The following PLCE1 variants were observed in gnomAD, a reference collection of about 807,000 sequenced individuals.
PLCE1 encodes 1-phosphatidylinositol 4,5-bisphosphate phosphodiesterase epsilon-1.
PLCE1 carries 119 observed loss-of-function variants against 242.8 expected under a neutral mutation model. That is an observed-to-expected ratio of 0.49 (90% CI 0.42 to 0.57). PLCE1 has a LOEUF of 0.57. Ranked by LOEUF, PLCE1 falls within the 20% of genes least tolerant of loss-of-function variation. The probability of loss-of-function intolerance (pLI) is 0.00; values close to 1 mark genes in which losing one functional copy is unlikely to be tolerated. For synonymous variants in PLCE1, 945 were observed against 1,017.4 expected (o/e 0.93, Z 1.35); for missense variants, 2,441 against 2,788.8 (o/e 0.88, Z 2.81).
chr10:94,140,135 T>G (rs1011464693), intron 3 of PLCE1, among the ~76,000 whole-genome samples: 1 of 152,180 alleles, frequency 6.6e-6, no homozygotes, highest in Non-Finnish European at 1.5e-5. Flanking sequence ...GTGGTATGTG[T>G]GTCTGTAGAC....
chr10:94,280,429 G>C (rs1274033658), intron 20 of PLCE1: 2 of 159,040 alleles, frequency 1.3e-5, no homozygotes, highest in Non-Finnish European at 2.8e-5. Flanking sequence ...CCCCACCAAA[G>C]AGAAAAAACA....
intron 4 of PLCE1, among the ~76,000 whole-genome samples, chr10:94,185,447 G>A (rs1283427177): frequency 1.3e-5 from 2 of 152,154 alleles, no homozygotes; most frequent in Non-Finnish European, 2.9e-5. Flanking sequence ...AGTGAGCTGA[G>A]TTTGTGCCAC....
chr10:94,078,332 G>A (rs1399310267), intron 2 of PLCE1, among the ~76,000 whole-genome samples: 1 of 152,140 alleles, frequency 6.6e-6, no homozygotes, highest in African/African-American at 2.4e-5. Flanking sequence ...GGTGACTTCA[G>A]TGATTTTGTT....
chr10:94,271,072 T>G (rs1350049089), intron 18 of PLCE1, among the ~76,000 whole-genome samples: 3 of 152,090 alleles, frequency 2.0e-5, no homozygotes, highest in Admixed American at 6.6e-5. Flanking sequence ...ATTGGGCTGT[T>G]CTTAGAGCCT....
At chr10:94,140,455 A>T (rs1186492200) in intron 3 of PLCE1, among the ~76,000 whole-genome samples, 2 of 152,040 alleles carry the variant, frequency 1.3e-5, no homozygotes, top group Non-Finnish European at 2.9e-5. Flanking sequence ...AGGCATGAGA[A>T]CTGCTTGAAC....
chr10:94,204,421 C>G (rs1240083777), intron 4 of PLCE1, among the ~76,000 whole-genome samples: 1 of 152,142 alleles, frequency 6.6e-6, no homozygotes, highest in Non-Finnish European at 1.5e-5. Context: ...GTAATCCTAG[C>G]ACTTTGGGAG....
chr10:94,116,553 G>A lies in PLCE1; in HGVS notation c.1207-15621G>A, dbSNP rs181285577. ...CTACTAAAAATACAAAAACTAGCTGGGCGTGGTGGCAGGTGCCTGTAGTCC... is the reference window on the plus strand; with the variant it reads ...CTACTAAAAATACAAAAACTAGCTGAGCGTGGTGGCAGGTGCCTGTAGTCC... On this transcript the variant is annotated intron_variant, in intron 2 of 32. Coordinates refer to ENST00000371380, the MANE Select transcript of PLCE1 (RefSeq NM_016341.4). Among the ~76,000 whole-genome samples, 260 of 152,254 alleles carry A rather than the reference G, an allele frequency of 1.7e-3. 1 individual carries two copies. The highest frequency in any genetic ancestry group is 5.9e-3 in the African/African-American group (246 of 41,556).
rs762794649 is a variant in PLCE1 at position 94,031,614 on chromosome 10, C to T, written c.568C>T (p.His190Tyr). The change falls in exon 2 of 33, where the codon CAT (histidine) becomes TAT (tyrosine). Residue 190 changes from histidine (H) to tyrosine (Y), a missense_variant. Physicochemically the swap from His to Tyr is moderately conservative, Grantham distance 83 (BLOSUM62 2). Transcript: ENST00000371380. ...PDSRRAVFHF[H>Y]YEVDRRMSDT... ...CAGCAGAAGGGCAGTATTTCATTTT[C>T]ATTATGAAGTTGACAGAAGAATGTC... The T allele has an allele frequency of 1.2e-6, 2 of 1,613,360 alleles. No homozygotes were observed. The highest frequency in any genetic ancestry group is 1.7e-6 in the Non-Finnish European group (2 of 1,179,748).
intron 1 of PLCE1, among the ~76,000 whole-genome samples, chr10:94,009,166 G>A (rs2061114111): frequency 6.6e-6 from 1 of 152,146 alleles, no homozygotes. Flanking sequence ...TCTGGGGAGG[G>A]CCTCAGGAAG....
intron 4 of PLCE1, among the ~76,000 whole-genome samples, chr10:94,225,892 C>A (rs2049921392): frequency 6.6e-6 from 1 of 152,236 alleles, no homozygotes; most frequent in African/African-American, 2.4e-5. Context: ...CTGCAGTTGT[C>A]ATGGGTCACC....
rs1029841283 is a variant in PLCE1 at position 94,066,874 on chromosome 10, A to G, written c.1206+34622A>G. 6.6e-5 allele frequency among the ~76,000 whole-genome samples: 10 copies of G among 152,328 alleles called. No individual in the cohort carries two copies. In the Middle Eastern group the frequency reaches 0.01, roughly 155 times the overall value. The stretch of plus-strand genomic sequence containing the variant: ...GTCCCTTGTAGTCACTCTTTATCCC[A>G]TACCCACAATGGTATTCCAAACCTG... On this transcript the variant is annotated intron_variant, in intron 2 of 32. Transcript: ENST00000371380.
chr10:94,294,493 T>A (rs1036262743), intron 23 of PLCE1, among the ~76,000 whole-genome samples: 1 of 152,184 alleles, frequency 6.6e-6, no homozygotes, highest in Non-Finnish European at 1.5e-5. Context: ...ATATTGCAGG[T>A]TCGGTTCCAG....
At chr10:94,103,587 C>T (rs1388271530) in intron 2 of PLCE1, among the ~76,000 whole-genome samples, 2 of 152,112 alleles carry the variant, frequency 1.3e-5, no homozygotes, top group Admixed American at 6.5e-5. Flanking sequence ...CACCATGGCA[C>T]GTGTGTACCT....
At chr10:94,282,439 G>A (rs1048540736) in intron 20 of PLCE1, among the ~76,000 whole-genome samples, 2 of 151,946 alleles carry the variant, frequency 1.3e-5, no homozygotes, top group African/African-American at 2.4e-5. Context: ...ACAACTTAAC[G>A]CAGACATATT....
intron 2 of PLCE1, among the ~76,000 whole-genome samples, chr10:94,086,533 T>G (rs2044831885): frequency 6.6e-6 from 1 of 152,234 alleles, no homozygotes; most frequent in African/African-American, 2.4e-5. Flanking sequence ...CAATCTCTCT[T>G]GCAGCTGAAT....
chr10:94,257,514 C>T (rs1210860564), intron 11 of PLCE1, among the ~76,000 whole-genome samples: 1 of 152,128 alleles, frequency 6.6e-6, no homozygotes, highest in Non-Finnish European at 1.5e-5. Flanking sequence ...AGACTTGGAA[C>T]CAACCCAAAT....
At chr10:94,102,669 AT>A (rs2045581068) in intron 2 of PLCE1, among the ~76,000 whole-genome samples, 1 of 152,124 alleles carries the variant, frequency 6.6e-6, no homozygotes, top group Non-Finnish European at 1.5e-5. Context: ...GCCAGAACTC[AT>A]GCCAGCGCCT....
chr10:94,142,568 C>T (rs2047004054), intron 3 of PLCE1, among the ~76,000 whole-genome samples: 1 of 152,188 alleles, frequency 6.6e-6, no homozygotes, highest in South Asian at 2.1e-4. Context: ...GGCATAGTAT[C>T]TGGTACCTAA....
intron 2 of PLCE1, among the ~76,000 whole-genome samples, chr10:94,053,953 T>G (rs75957564): frequency 0.015 from 2,222 of 152,300 alleles, 54 homozygotes; most frequent in African/African-American, 0.04. Context: ...GAGATTCAGA[T>G]TTGTAAACTG....
Sources: gnomAD v4.1 joint callset for allele counts (sites outside exome capture counted in the v4.1 genomes callset) on GRCh38, gnomAD v4.1.1 for gene constraint, MANE v1.5 for transcripts, NCBI Gene and HGNC (gene_info 2026-07-23, HGNC 2026-07-21) for gene names.